GALNT13: variants seen among roughly 807,000 people sequenced by gnomAD.
The protein encoded by GALNT13 is UDP-GalNAc:polypeptide N-acetylgalactosaminyltransferase 13.
A neutral mutation model predicts 64.2 loss-of-function variants in GALNT13; 28 were observed. That is an observed-to-expected ratio of 0.44 (90% CI 0.32 to 0.60). GALNT13 has a LOEUF of 0.60. Ranked by LOEUF, GALNT13 falls within the 20% of genes least tolerant of loss-of-function variation. GALNT13 has a pLI of 0.05. For synonymous variants in GALNT13, 214 were observed against 224.6 expected, an observed-to-expected ratio of 0.95 and a Z score of 0.42; for missense variants, 577 against 669.8, an observed-to-expected ratio of 0.86 and a Z score of 1.53.
chr2:153,529,160 T>G, the GALNT13 span, among the ~76,000 whole-genome samples: 2 of 151,450 alleles, frequency 1.3e-5, no homozygotes, highest in African/African-American at 4.8e-5. Flanking sequence ...TAAACAAAAC[T>G]TACAAACTTT....
the GALNT13 span, among the ~76,000 whole-genome samples, chr2:153,834,188 C>G: frequency 6.6e-6 from 1 of 152,082 alleles, no homozygotes; most frequent in East Asian, 1.9e-4. Flanking sequence ...CTCCCAGGAC[C>G]CAGAGAATGT....
chr2:153,803,645 T>G, the GALNT13 span, among the ~76,000 whole-genome samples: 24 of 135,898 alleles, frequency 1.8e-4, no homozygotes, highest in Non-Finnish European at 3.3e-4. Flanking sequence ...TGAGCGGAGA[T>G]AGCGCCACTG....
At chr2:154,187,133 T>C (rs1384675740) in intron 4 of GALNT13, among the ~76,000 whole-genome samples, 1 of 152,076 alleles carries the variant, frequency 6.6e-6, no homozygotes, top group Non-Finnish European at 1.5e-5. Context: ...GAAAAGTGAA[T>C]TCTGGATTAC....
chr2:153,482,767 G>GA, the GALNT13 span, among the ~76,000 whole-genome samples: 1 of 140,196 alleles, frequency 7.1e-6, no homozygotes, highest in African/African-American at 3.0e-5. Flanking sequence ...AACGCACCCA[G>GA]CCTTTTTTTT....
intron 9 of GALNT13, among the ~76,000 whole-genome samples, chr2:154,388,742 A>G (rs376115995): frequency 6.6e-6 from 1 of 152,148 alleles, no homozygotes; most frequent in East Asian, 1.9e-4. Flanking sequence ...CTTATTCATG[A>G]AGTTCATAAT....
chr2:154,021,182 G>A (rs1288169789), intron 3 of GALNT13, among the ~76,000 whole-genome samples: 14 of 152,010 alleles, frequency 9.2e-5, no homozygotes, highest in South Asian at 2.1e-4. Flanking sequence ...TTGGCGATGC[G>A]GGCTCTTTTT....
At chr2:153,473,272 T>TATA in the GALNT13 span, among the ~76,000 whole-genome samples, 1 of 152,226 alleles carries the variant, frequency 6.6e-6, no homozygotes, top group South Asian at 2.1e-4. Context: ...GCTTCTCAAA[T>TATA]ATAATAATAA....
chr2:153,174,660 G>A, the GALNT13 span, among the ~76,000 whole-genome samples: 1 of 152,014 alleles, frequency 6.6e-6, no homozygotes, highest in African/African-American at 2.4e-5. Flanking sequence ...AATGAATACA[G>A]GTTCATCACT....
intron 4 of GALNT13, among the ~76,000 whole-genome samples, chr2:154,175,242 A>C (rs1409880644): frequency 1.3e-5 from 2 of 152,154 alleles, no homozygotes; most frequent in African/African-American, 2.4e-5. Context: ...GGAACATTTT[A>C]GTTTATCCAG....
the GALNT13 span, among the ~76,000 whole-genome samples, chr2:153,627,940 G>A: frequency 9.9e-5 from 15 of 152,054 alleles, no homozygotes; most frequent in Non-Finnish European, 1.8e-4. Context: ...ATTACCTTGG[G>A]CAGTATGGCC....
chr2:153,273,242 C>T, the GALNT13 span, among the ~76,000 whole-genome samples: 4 of 152,010 alleles, frequency 2.6e-5, no homozygotes, highest in African/African-American at 9.7e-5. Flanking sequence ...CAAACCTGCA[C>T]GTTCTGCACA....
At chr2:153,566,576 G>A in the GALNT13 span, among the ~76,000 whole-genome samples, 569 of 152,150 alleles carry the variant, frequency 3.7e-3, 1 homozygote, top group African/African-American at 0.013. Flanking sequence ...AGATGGTCTC[G>A]ATCTCCTGAC....
At chr2:154,105,489 G>T (rs1702563386) in intron 3 of GALNT13, among the ~76,000 whole-genome samples, 1 of 152,096 alleles carries the variant, frequency 6.6e-6, no homozygotes, top group Admixed American at 6.6e-5. Context: ...AGTACAGGCT[G>T]GTAGTCTAGT....
At chr2:153,318,865 C>T in the GALNT13 span, among the ~76,000 whole-genome samples, 1 of 152,156 alleles carries the variant, frequency 6.6e-6, no homozygotes, top group Non-Finnish European at 1.5e-5. Context: ...TCCTTTATCA[C>T]TTATTGGCTG....
At chr2:154,302,095 G>T (rs1693476934) in intron 9 of GALNT13, among the ~76,000 whole-genome samples, 3 of 151,760 alleles carry the variant, frequency 2.0e-5, no homozygotes, top group African/African-American at 7.3e-5. Flanking sequence ...GCTATCAGTG[G>T]GTGGTAGGAT....
intron 9 of GALNT13, among the ~76,000 whole-genome samples, chr2:154,307,198 G>T (rs910338186): frequency 1.1e-4 from 16 of 151,906 alleles, no homozygotes; most frequent in Non-Finnish European, 1.9e-4. Flanking sequence ...TGTGCTTAGG[G>T]TTTTATGATT....
At chr2:153,400,983 G>C in the GALNT13 span, among the ~76,000 whole-genome samples, 4 of 151,050 alleles carry the variant, frequency 2.6e-5, no homozygotes, top group African/African-American at 7.3e-5. Flanking sequence ...GCATGTGTTT[G>C]CTCTTGGTTT....
the GALNT13 span, among the ~76,000 whole-genome samples, chr2:153,329,772 T>A: frequency 6.6e-6 from 1 of 152,202 alleles, no homozygotes; most frequent in Non-Finnish European, 1.5e-5. Context: ...AAGAAGCTCT[T>A]TAGTTTAATA....
chr2:154,298,646 C>A (rs373307601), intron 8 of GALNT13, among the ~76,000 whole-genome samples: 1,493 of 13,296 alleles, frequency 0.11, 410 homozygotes, highest in Middle Eastern at 0.33. Flanking sequence ...TTTATATATA[C>A]ATTGTATATA....
Sources: allele counts gnomAD v4.1 joint callset (sites outside exome capture counted in the v4.1 genomes callset), GRCh38; gene constraint gnomAD v4.1.1; transcripts MANE v1.5; gene names NCBI Gene and HGNC (gene_info 2026-07-23, HGNC 2026-07-21).